SMARCE1: variants seen among roughly 807,000 people sequenced by gnomAD.
The protein encoded by SMARCE1 is SWI/SNF-related matrix-associated actin-dependent regulator of chromatin subfamily E member 1.
In SMARCE1, 13 loss-of-function variants were observed where a neutral mutation model predicts 54.9. That is an observed-to-expected ratio of 0.24 (90% CI 0.15 to 0.38). The LOEUF (loss-of-function observed/expected upper bound fraction) is 0.38, where lower values mean the gene tolerates loss of function less well. Among genes scored for constraint, SMARCE1 ranks in the 10% least tolerant of loss-of-function variants. The probability of loss-of-function intolerance (pLI) is 1.00; values close to 1 mark genes in which losing one functional copy is unlikely to be tolerated. For missense variants in SMARCE1, 295 were observed against 523.8 expected (o/e 0.56, Z 4.26); for synonymous variants, 151 against 175.3 (o/e 0.86, Z 1.10).
rs797045990 is a variant in SMARCE1, at chr17:40,632,281, TCTCA to T, written c.624_627del (p.Ser208ArgfsTer26). 6.2e-7 allele frequency: 1 copy of T among 1,614,012 alleles called. No individual in the cohort carries two copies. The highest frequency in any genetic ancestry group is 8.5e-7 in the Non-Finnish European group (1 of 1,179,872). ...ACTGACCGAACGTCTGGCACCACAC[TCTCA>T]CTAAGAATTTCACTGATGAGGCGGT... On this transcript the variant is annotated frameshift_variant, in exon 8 of 11. Coordinates refer to ENST00000348513, the MANE Select transcript of SMARCE1 (RefSeq NM_003079.5). LOFTEE classifies it high-confidence loss of function.
At chr17:40,643,974 T>A in intron 3 of SMARCE1, 1 of 155,648 alleles carries the variant, frequency 6.4e-6, no homozygotes, top group Non-Finnish European at 1.4e-5. Context: ...GTGATAGTGT[T>A]GGTAGTGGTG....
chr17:40,636,542 G>A lies in SMARCE1; in HGVS notation c.238-16C>T. ...GGTCCCAGACCTTAAAAAGAAAACA[G>A]ATGAAATGTTAATACTGATGTCTAA... On this transcript the variant is annotated splice_polypyrimidine_tract_variant and intron_variant, in intron 5 of 10. Transcript: ENST00000348513. The A allele has an allele frequency of 6.2e-7, 1 of 1,604,258 alleles. No individual in the cohort carries two copies. Among genetic ancestry groups the A allele is most frequent in the Non-Finnish European group, 8.5e-7 (1 of 1,171,592 alleles).
intron 3 of SMARCE1, chr17:40,644,844 T>A (rs1168936951): frequency 6.6e-6 from 1 of 151,998 alleles, no homozygotes; most frequent in Admixed American, 6.6e-5. Context: ...AGTGTTTTTT[T>A]AAAAACAAAC....
chr17:40,628,933 G>A lies in SMARCE1; in HGVS notation c.1088C>T (p.Thr363Ile), dbSNP rs1247688181. 3 of 1,613,808 alleles carry A rather than the reference G, an allele frequency of 1.9e-6. No individual in the cohort carries two copies. Among genetic ancestry groups the A allele is most frequent in the Non-Finnish European group, 1.7e-6 (2 of 1,179,824 alleles). ...CTGCCCACTCTCCTTGTCCTCAGGA[G>A]TAGACGTGCCTTCTTCACCATTCTG... Reference protein sequence around the residue: ...SQQNGEEGTSTPEDKESGQEG... With the variant: ...SQQNGEEGTSIPEDKESGQEG... Residue 363 changes from threonine to isoleucine, a missense_variant, in exon 11 of 11, where the codon ACT becomes ATT. This residue lies in a region of SMARCE1 where 147 missense variants were observed against 161.4 expected (regional missense o/e 0.91). Coordinates refer to ENST00000348513, the MANE Select transcript of SMARCE1 (RefSeq NM_003079.5).
At chr17:40,645,673 G>A in intron 2 of SMARCE1, 54 bp from the exon 3 acceptor site, 1 of 1,295,724 alleles carries the variant, frequency 7.7e-7, no homozygotes, top group Non-Finnish European at 1.1e-6. Flanking sequence ...ATAATACTAT[G>A]CAACAAAACT....
Position 40,635,931 on chromosome 17 carries a change from C to T in SMARCE1, c.541G>A (p.Asp181Asn), listed in dbSNP as rs2143995938. Residue 181 changes from aspartate to asparagine, a missense_variant and splice_region_variant, in exon 7 of 11, where the codon GAT (aspartate) becomes AAT (asparagine). Asp to Asn is a conservative substitution (Grantham distance 23). This residue lies in a region of SMARCE1 where 101 missense variants were observed against 183.1 expected (regional missense o/e 0.55). Coordinates refer to ENST00000348513, the MANE Select transcript of SMARCE1 (RefSeq NM_003079.5). ...MSIQPAEDPD[D>N]YDDGFSMKHT... ...CAAAACCCCACTTTTTTTCTTTTAC[C>T]ATCTGGATCTTCAGCAGGCTGAATG... 5 of 1,544,772 alleles carry T rather than the reference C, an allele frequency of 3.2e-6. No individual in the cohort carries two copies. The highest frequency in any genetic ancestry group is 2.6e-5 in the South Asian group (2 of 77,474).
chr17:40,639,124 G>C (rs529383185), intron 4 of SMARCE1, among the ~76,000 whole-genome samples: 15 of 152,290 alleles, frequency 9.8e-5, no homozygotes, highest in South Asian at 8.3e-4. Context: ...CAGTGGGTAA[G>C]AGAGTGAGAT....
intron 3 of SMARCE1, chr17:40,645,081 C>T (rs1346490369): frequency 6.1e-6 from 1 of 163,930 alleles, no homozygotes; most frequent in African/African-American, 2.4e-5. Flanking sequence ...AAGATCTGCC[C>T]CATAGATAAT....
intron 7 of SMARCE1, chr17:40,634,173 A>T (rs944765125): frequency 6.6e-6 from 1 of 152,066 alleles, no homozygotes; most frequent in Non-Finnish European, 1.5e-5. Context: ...CCTGTCATCC[A>T]GGATGGAGGA....
chr17:40,637,012 T>A, intron 5 of SMARCE1: 1 of 119,684 alleles, frequency 8.4e-6, no homozygotes, highest in Admixed American at 9.3e-5. Context: ...ATTTTAAGAG[T>A]AATGTAGGCT....
At chr17:40,640,481 G>A (rs940065563) in intron 4 of SMARCE1, 9 of 152,184 alleles carry the variant, frequency 5.9e-5, no homozygotes, top group African/African-American at 2.2e-4. Flanking sequence ...TCACAGATTC[G>A]TTCCTTGAAA....
Position 40,631,477 on chromosome 17 carries a change from G to T in SMARCE1, c.816+115C>A, listed in dbSNP as rs1009226404. 8.2e-6 allele frequency: 5 copies of T among 612,754 alleles called. No individual in the cohort carries two copies. The African/African-American group carries it at 9.2e-5, about 11-fold the overall frequency. The allele number at this position is 612,754 out of a possible 1,614,324, so 38.0% of individuals were successfully genotyped here. ...ATCCTACAGGTTTATAATAAAGTTA[G>T]CCCTGTTTCAAAGTGAACAACATTC... On this transcript the variant is annotated intron_variant, in intron 9 of 10. Coordinates refer to ENST00000348513, the MANE Select transcript of SMARCE1 (RefSeq NM_003079.5).
At chr17:40,631,550 A>G (rs1380434226) in intron 9 of SMARCE1, 42 bp downstream of exon 9, 1 of 960,844 alleles carries the variant, frequency 1.0e-6, no homozygotes, top group Middle Eastern at 3.1e-4. Context: ...ATAAAGTAAC[A>G]GGTATAGTGA....
chr17:40,632,645 C>T (rs770189730), intron 7 of SMARCE1: 1 of 337,358 alleles, frequency 3.0e-6, no homozygotes. Flanking sequence ...TACAACATGT[C>T]TCTTCTGGCT....
intron 3 of SMARCE1, chr17:40,645,178 CAAGA>C (rs2037242175): frequency 3.4e-6 from 1 of 290,506 alleles, no homozygotes; most frequent in Non-Finnish European, 6.3e-6. Context: ...TAGAGAGAGA[CAAGA>C]AAGGAGAGAA....
At chr17:40,636,272 G>A (rs1056344273) in intron 6 of SMARCE1, 123 bp downstream of exon 6, 9 of 1,204,752 alleles carry the variant, frequency 7.5e-6, no homozygotes, top group Non-Finnish European at 1.1e-5. Flanking sequence ...ACTTGACTCA[G>A]GTAGACAGAG....
intron 3 of SMARCE1, chr17:40,644,048 T>A (rs546584863): frequency 6.5e-6 from 1 of 152,702 alleles, no homozygotes; most frequent in South Asian, 2.1e-4. Flanking sequence ...ATTCATTTAG[T>A]ATCCATTCTG....
intron 3 of SMARCE1, chr17:40,644,937 G>T (rs1329981825): frequency 2.0e-5 from 3 of 152,116 alleles, no homozygotes; most frequent in Admixed American, 2.0e-4. Context: ...TTTGTGGGTT[G>T]GAAAATTATT....
At position 40,642,206 on chromosome 17, in the gene SMARCE1, G is replaced by A. The variant is rs1002815224; in HGVS notation, c.156+249C>T. 47 of 601,436 alleles carry A rather than the reference G, an allele frequency of 7.8e-5. No homozygotes were observed. Among genetic ancestry groups the A allele is most frequent in the Admixed American group, 7.2e-4 (24 of 33,104 alleles). The allele number at this position is 601,436 out of a possible 1,614,324, so 37.3% of individuals were successfully genotyped here. ...TGTTTACATACAGTATAAGCATCAA[G>A]TGCTCAAGGCTTTAACCCTACCAAC... On this transcript the variant is annotated intron_variant, in intron 4 of 10. Transcript: ENST00000348513. The surrounding 1 kb of genome is among the most constrained non-coding windows in gnomAD (Gnocchi z 4.6).
Sources: allele counts gnomAD v4.1 joint callset (sites outside exome capture counted in the v4.1 genomes callset), GRCh38; gene constraint gnomAD v4.1.1; regional missense constraint gnomAD v4.1.1; non-coding constraint Gnocchi (gnomAD v3.1); transcripts MANE v1.5; gene names NCBI Gene and HGNC (gene_info 2026-07-23, HGNC 2026-07-21).